Variants in TYSND1 observed in about 807,000 individuals in gnomAD.
TYSND1 encodes the protein peroxisomal leader peptide-processing protease.
A neutral mutation model predicts 37.2 loss-of-function variants in TYSND1; 30 were observed. The observed-to-expected ratio is 0.81, with a 90% CI of 0.60 to 1.09. The LOEUF (loss-of-function observed/expected upper bound fraction) is 1.09, where lower values mean the gene tolerates loss of function less well. TYSND1 is among the 50% of genes least tolerant of loss of function. The probability of loss-of-function intolerance (pLI) is 0.00; values close to 1 mark genes in which losing one functional copy is unlikely to be tolerated. For missense variants in TYSND1, 806 were observed against 817.4 expected (o/e 0.99, Z 0.17); for synonymous variants, 364 against 383.8 (o/e 0.95, Z 0.60).
intron 3 of TYSND1, among the ~76,000 whole-genome samples, chr10:70,140,431 G>A (rs1298405648): frequency 6.6e-6 from 1 of 152,146 alleles, no homozygotes; most frequent in Non-Finnish European, 1.5e-5. Context: ...GCAGGACTTT[G>A]AGGTTTTGTT....
rs770234303 is a variant in TYSND1 at position 70,142,840 on chromosome 10, A to G, written c.1311T>C (p.Ser437=). 6.2e-7 allele frequency: 1 copy of G among 1,613,316 alleles called. No individual in the cohort carries two copies. The highest frequency in any genetic ancestry group is 1.7e-5 in the Admixed American group (1 of 59,982). ...GGCCAAAGACGCCAAAGCCCACCAC[A>G]CTCACAGCCTCGCCTGCCAGGGAAG... is the stretch of plus-strand genomic sequence containing the variant. ...AEHFHEGEAV[S]VVGFGVFGQS... Residue 437 remains serine, a synonymous_variant, in exon 3 of 4, where the codon AGT becomes AGC. Transcript: ENST00000287078.
rs1453932745 is a variant in TYSND1, at chr10:70,145,748, A to ACCAACAGCG, written c.838_839insCGCTGTTGG (p.Val279_Val280insAlaLeuLeu). 1 of 1,431,892 alleles carries ACCAACAGCG rather than the reference A, an allele frequency of 7.0e-7. No homozygotes were observed. Among genetic ancestry groups the ACCAACAGCG allele is most frequent in the Non-Finnish European group, 9.1e-7 (1 of 1,102,974 alleles). The allele number at this position is 1,431,892 out of a possible 1,614,324, so 88.7% of individuals were successfully genotyped here. On this transcript the variant is annotated inframe_insertion, in exon 1 of 4. Coordinates refer to ENST00000287078, the MANE Select transcript of TYSND1 (RefSeq NM_173555.4). Reference sequence around the variant, plus strand: ...GCCGGCCTTCCAACAGAGCGGCGCCACCACCAGCGCCACCAGCGCCCCCGC... The same window carrying ACCAACAGCG: ...GCCGGCCTTCCAACAGAGCGGCGCCACCAACAGCGCCACCAGCGCCACCAGCGCCCCCGC...
chr10:70,142,807 G>T lies in TYSND1; in HGVS notation c.1344C>A (p.Cys448Ter), dbSNP rs544535704. 9 of 1,613,942 alleles carry T rather than the reference G, an allele frequency of 5.6e-6. No homozygotes were observed. The highest frequency in any genetic ancestry group is 1.1e-5 in the South Asian group (1 of 91,078). ...VVGFGVFGQS[C>*]GPSVTSGILS... is the part of the protein sequence containing the mutation. ...GGATGCCTGAGGTCACCGAGGGCCC[G>T]CAAGACTGGCCAAAGACGCCAAAGC... is the stretch of plus-strand genomic sequence containing the variant. Residue 448 changes from cysteine (C) to a stop codon, truncating the protein, a stop_gained, in exon 3 of 4, where the codon TGC becomes TGA. Transcript: ENST00000287078. LOFTEE classifies it high-confidence loss of function.
At chr10:70,142,934 C>T in intron 2 of TYSND1, 81 bp from the exon 3 acceptor site, 1 of 1,488,346 alleles carries the variant, frequency 6.7e-7, no homozygotes, top group Non-Finnish European at 9.2e-7. Flanking sequence ...CATCCCTACC[C>T]TCTCCAAACA....
rs1053314527 is a variant in TYSND1 at position 70,142,671 on chromosome 10, G to T, written c.1480C>A (p.Leu494Ile). The T allele has an allele frequency of 6.3e-7, 1 of 1,576,032 alleles. No individual in the cohort carries two copies. The highest frequency in any genetic ancestry group is 2.3e-5 in the East Asian group (1 of 43,386). ...PLFSNHSGNL[L>I]GIITSNTRDN... ...AGGGGGCCAAAGAGCTGGTTACCAA[G>T]GAGGTTTCCTGAGTGGTTGGAGAAG... Residue 494 changes from leucine (L) to isoleucine (I), a missense_variant, in exon 3 of 4, where the codon CTT (leucine) becomes ATT (isoleucine). Leu to Ile is a conservative substitution (Grantham distance 5). This residue lies in a region of TYSND1 where 708 missense variants were observed against 705.4 expected (regional missense o/e 1.00). Transcript: ENST00000287078.
Position 70,139,969 on chromosome 10 carries a change from C to T in TYSND1, c.1656G>A (p.Trp552Ter). ...DRAAEPVRVV[W>*]RLQRPLAEAP... ...CCTCTGCCAGGGGCCGCTGCAACCGCCACACCACCCTGACTGGCTCAGCAG... is the reference window on the plus strand; with the variant it reads ...CCTCTGCCAGGGGCCGCTGCAACCGTCACACCACCCTGACTGGCTCAGCAG... Residue 552 changes from tryptophan (W) to a stop codon, truncating the protein, a stop_gained, in exon 4 of 4, where the codon TGG becomes TGA. Transcript: ENST00000287078. LOFTEE classifies it high-confidence loss of function. The T allele has an allele frequency of 6.2e-7, 1 of 1,614,042 alleles. No homozygotes were observed. Among genetic ancestry groups the T allele is most frequent in the South Asian group, 1.1e-5 (1 of 91,066 alleles).
intron 2 of TYSND1, 130 bp downstream of exon 2, chr10:70,143,712 G>T: frequency 2.6e-6 from 3 of 1,156,174 alleles, no homozygotes; most frequent in Non-Finnish European, 3.6e-6. Context: ...CACAAAAAGG[G>T]AGGCAGGCCT....
Position 70,145,524 on chromosome 10 carries a change from C to T in TYSND1, c.1063G>A (p.Val355Ile), listed in dbSNP as rs867292004. The change falls in exon 1 of 4, where the codon GTA (valine) becomes ATA (isoleucine). Residue 355 changes from valine (V) to isoleucine (I), a missense_variant. Transcript: ENST00000287078. ...GCCACAGCCACTCCGGAGCCCCATA[C>T]GGTGCCGCACTCCACCAACACTGCC... ...AAAVLVECGT[V>I]WGSGVAVAPR... 3.3e-6 allele frequency: 5 copies of T among 1,521,924 alleles called. No individual in the cohort carries two copies. Among genetic ancestry groups the T allele is most frequent in the Admixed American group, 2.0e-5 (1 of 49,428 alleles). 94.3% of individuals were successfully genotyped at this position (1,521,924 alleles called of 1,614,324 possible).
At chr10:70,143,513 T>C (rs1274654966) in intron 2 of TYSND1, among the ~76,000 whole-genome samples, 1 of 152,248 alleles carries the variant, frequency 6.6e-6, no homozygotes, top group Non-Finnish European at 1.5e-5. Context: ...AGTACTTATG[T>C]GGCAGCATCA....
chr10:70,145,073 CA>C (rs1252847047), intron 1 of TYSND1, among the ~76,000 whole-genome samples: 1 of 152,150 alleles, frequency 6.6e-6, no homozygotes, highest in African/African-American at 2.4e-5. Flanking sequence ...AATCTCTGTT[CA>C]AAGGGCCAGA....
At position 70,144,523 on chromosome 10, in the gene TYSND1, G is replaced by A. The variant is rs1219266485; in HGVS notation, c.1167-551C>T. 5.1e-6 allele frequency: 5 copies of A among 987,392 alleles called. No homozygotes were observed. In the African/African-American group the frequency reaches 5.2e-5, roughly 10 times the overall value. The allele number at this position is 987,392 out of a possible 1,614,324, so 61.2% of individuals were successfully genotyped here. On this transcript the variant is annotated intron_variant, in intron 1 of 3. Coordinates refer to ENST00000287078, the MANE Select transcript of TYSND1 (RefSeq NM_173555.4). Reference sequence around the variant, plus strand: ...TGTAGCACACGACGTGACAGGCTCCGTTCCACGACATTCAGCGTCAACTCC... The same window carrying A: ...TGTAGCACACGACGTGACAGGCTCCATTCCACGACATTCAGCGTCAACTCC...
rs1425699760 is a variant in TYSND1 at position 70,145,784 on chromosome 10, G to A, written c.803C>T (p.Thr268Ile). Residue 268 changes from threonine to isoleucine, a missense_variant, in exon 1 of 4, where the codon ACC becomes ATC. Coordinates refer to ENST00000287078, the MANE Select transcript of TYSND1 (RefSeq NM_173555.4). ...CACCAGCGCCCCCGCGGGCCGCGCG[G>A]TGAACACGCCGCCGCCCTCGGTGCC... ...LPGTEGGGVFTARPAGALVAL... is the reference protein window; with the variant it reads ...LPGTEGGGVFIARPAGALVAL... The A allele has an allele frequency of 2.0e-6, 3 of 1,471,368 alleles. No individual in the cohort carries two copies. The highest frequency in any genetic ancestry group is 2.7e-6 in the Non-Finnish European group (3 of 1,119,442). The allele number at this position is 1,471,368 out of a possible 1,614,324, so 91.1% of individuals were successfully genotyped here.
chr10:70,139,889 A>T lies in TYSND1; in HGVS notation c.*35T>A. On this transcript the variant is annotated 3_prime_UTR_variant, in exon 4 of 4. Coordinates refer to ENST00000287078, the MANE Select transcript of TYSND1 (RefSeq NM_173555.4). Reference sequence around the variant, plus strand: ...CAACATCACTTCCTACAGCAGAAAAAGGTCACTCTTCTTTCCAAAGGTGGT... The same window carrying T: ...CAACATCACTTCCTACAGCAGAAAATGGTCACTCTTCTTTCCAAAGGTGGT... The T allele has an allele frequency of 6.3e-7, 1 of 1,584,234 alleles. No homozygotes were observed. The highest frequency in any genetic ancestry group is 8.6e-7 in the Non-Finnish European group (1 of 1,160,090).
In TYSND1 at chr10:70,145,638, T is replaced by C. The variant is rs1330475586; in HGVS notation, c.949A>G (p.Thr317Ala). 7.1e-7 allele frequency: 1 copy of C among 1,412,144 alleles called. No homozygotes were observed. The highest frequency in any genetic ancestry group is 1.5e-5 in the South Asian group (1 of 66,442). The allele number at this position is 1,412,144 out of a possible 1,614,324, so 87.5% of individuals were successfully genotyped here. A position where few individuals can be genotyped will look rare whatever the true frequency, so the allele number is the denominator to read the frequency against. The change falls in exon 1 of 4, where the codon ACC becomes GCC. Residue 317 changes from threonine to alanine, a missense_variant. This residue lies in a region of TYSND1 where 708 missense variants were observed against 705.4 expected (regional missense o/e 1.00). Transcript: ENST00000287078. ...GGCAGAAGGGCGGCCAGGGCAGCGG[T>C]GCTGTGCGGCAGGCGGTGAAGCGCG... ...RDALHRLPHS[T>A]AALAALLPPE...
At position 70,146,089 on chromosome 10, in the gene TYSND1, C is replaced by G; in HGVS notation, c.498G>C (p.Arg166=). 1 of 1,583,698 alleles carries G rather than the reference C, an allele frequency of 6.3e-7. No individual in the cohort carries two copies. The highest frequency in any genetic ancestry group is 1.2e-5 in the South Asian group (1 of 86,850). ...AEQWRFSSAA[R]DDEVSEDEEA... ...CCTCGTCCTCCGACACTTCGTCATCCCGCGCCGCGCTCGAGAAGCGCCACT... is the reference window on the plus strand; with the variant it reads ...CCTCGTCCTCCGACACTTCGTCATCGCGCGCCGCGCTCGAGAAGCGCCACT... Residue 166 remains arginine, a synonymous_variant, in exon 1 of 4, where the codon CGG becomes CGC. Coordinates refer to ENST00000287078, the MANE Select transcript of TYSND1 (RefSeq NM_173555.4).
chr10:70,143,498 A>G (rs545112036), intron 2 of TYSND1, among the ~76,000 whole-genome samples: 1 of 152,342 alleles, frequency 6.6e-6, no homozygotes, highest in South Asian at 2.1e-4. Context: ...ATGGAGTGCA[A>G]CATCAGTACT....
Position 70,142,658 on chromosome 10 carries a change from A to T in TYSND1, c.1483+10T>A. ...GTGGGAGGGCGGGAGGGGGCCAAAG[A>T]GCTGGTTACCAAGGAGGTTTCCTGA... On this transcript the variant is annotated intron_variant, in intron 3 of 3. Transcript: ENST00000287078. 6.4e-7 allele frequency: 1 copy of T among 1,554,680 alleles called. No individual in the cohort carries two copies. The highest frequency in any genetic ancestry group is 1.2e-5 in the South Asian group (1 of 84,886).
At chr10:70,144,162 A>C in intron 1 of TYSND1, 190 bp from the exon 2 acceptor site, 1 of 682,506 alleles carries the variant, frequency 1.5e-6, no homozygotes, top group South Asian at 1.9e-5. Flanking sequence ...AAACTGTGCT[A>C]CTTCTCTAAA....
At position 70,139,552 on chromosome 10, in the gene TYSND1, C is replaced by T. The variant is rs1265614538; in HGVS notation, c.*372G>A. 1.1e-5 allele frequency: 2 copies of T among 182,916 alleles called. No homozygotes were observed. Among genetic ancestry groups the T allele is most frequent in the African/African-American group, 4.7e-5 (2 of 42,574 alleles). 11.3% of individuals were successfully genotyped at this position (182,916 alleles called of 1,614,324 possible). ...GAAGCTCCAGGATGACGATGGCCCT[C>T]AGGGGAACAGACGCAAAACCAGGCA... is the stretch of plus-strand genomic sequence containing the variant. On this transcript the variant is annotated 3_prime_UTR_variant, in exon 4 of 4. Coordinates refer to ENST00000287078, the MANE Select transcript of TYSND1 (RefSeq NM_173555.4).
Sources: allele counts gnomAD v4.1 joint callset (sites outside exome capture counted in the v4.1 genomes callset), GRCh38; gene constraint gnomAD v4.1.1; regional missense constraint gnomAD v4.1.1; transcripts MANE v1.5; gene names NCBI Gene and HGNC (gene_info 2026-07-23, HGNC 2026-07-21).